Variants in SLC1A1 observed in about 807,000 individuals in gnomAD.
SLC1A1 encodes the protein solute carrier family 1 member 1, also known as excitatory amino acid transporter 3.
A neutral mutation model predicts 53.3 loss-of-function variants in SLC1A1; 43 were observed. That is an observed-to-expected ratio of 0.81 (90% CI 0.63 to 1.04). SLC1A1 has a LOEUF of 1.04. Among genes scored for constraint, SLC1A1 ranks in the 50% least tolerant of loss-of-function variants. The pLI, the probability that SLC1A1 is intolerant of heterozygous loss-of-function variation, is 0.00. For missense variants in SLC1A1, 748 were observed against 664.9 expected, an observed-to-expected ratio of 1.12 and a Z score of -1.37; for synonymous variants, 307 against 243.2, an observed-to-expected ratio of 1.26 and a Z score of -2.44.
At chr9:4,522,404 A>T (rs902253695) in intron 1 of SLC1A1, among the ~76,000 whole-genome samples, 4 of 152,150 alleles carry the variant, frequency 2.6e-5, no homozygotes, top group Non-Finnish European at 5.9e-5. Context: ...TCAAAGTTTA[A>T]GAAGCATAGA....
At chr9:4,518,408 C>G (rs1184589529) in intron 1 of SLC1A1, among the ~76,000 whole-genome samples, 1 of 151,522 alleles carries the variant, frequency 6.6e-6, no homozygotes, top group Non-Finnish European at 1.5e-5. Flanking sequence ...ACTCTGTCAC[C>G]CAGGCTGGAG....
intron 6 of SLC1A1, among the ~76,000 whole-genome samples, chr9:4,569,166 T>C (rs931608535): frequency 1.3e-5 from 2 of 152,296 alleles, no homozygotes; most frequent in African/African-American, 4.8e-5. Context: ...ATTTGTCAGG[T>C]ACATAAGCAT....
chr9:4,575,661 C>T (rs955614039), intron 8 of SLC1A1, among the ~76,000 whole-genome samples: 2 of 152,152 alleles, frequency 1.3e-5, no homozygotes, highest in African/African-American at 4.8e-5. Context: ...AGGAGAAGAA[C>T]TGAGCAGCAA....
chr9:4,499,282 T>A (rs1316634855), intron 1 of SLC1A1, among the ~76,000 whole-genome samples: 1 of 151,974 alleles, frequency 6.6e-6, no homozygotes, highest in East Asian at 1.9e-4. Context: ...TGACCTCAGG[T>A]GATCCACCCA....
intron 1 of SLC1A1, among the ~76,000 whole-genome samples, chr9:4,533,045 C>G (rs139579080): frequency 6.6e-6 from 1 of 152,142 alleles, no homozygotes; most frequent in Non-Finnish European, 1.5e-5. Context: ...GCCTGCCTTA[C>G]AAGAGCTCCT....
chr9:4,527,539 T>C (rs1410949365), intron 1 of SLC1A1, among the ~76,000 whole-genome samples: 1 of 152,180 alleles, frequency 6.6e-6, no homozygotes, highest in Non-Finnish European at 1.5e-5. Context: ...TAGACTGTTA[T>C]GGTATACTAC....
At position 4,549,127 on chromosome 9, in the gene SLC1A1, A is replaced by G. The variant is rs1055930294; in HGVS notation, c.232+4420A>G. ...GATTGGAGCCTCCTATGACCAACAC[A>G]GGGACAGAACAGCACCTCCAGTCCC... On this transcript the variant is annotated intron_variant, in intron 2 of 11. Transcript: ENST00000262352. This position sits in a 1 kb window ranked among gnomAD's most constrained non-coding sequence, Gnocchi z 4.1. Among the ~76,000 whole-genome samples, 1 of 152,208 alleles carries G rather than the reference A, an allele frequency of 6.6e-6. No individual in the cohort carries two copies. Among genetic ancestry groups the G allele is most frequent in the Non-Finnish European group, 1.5e-5 (1 of 68,044 alleles).
At chr9:4,564,227 G>T in intron 3 of SLC1A1, 117 bp from the exon 4 acceptor site, 3 of 750,048 alleles carry the variant, frequency 4.0e-6, no homozygotes, top group Non-Finnish European at 4.8e-6. Context: ...TGGACCTCAG[G>T]GTCCTCCCCA....
At chr9:4,560,188 T>C (rs1318261782) in intron 2 of SLC1A1, 1 of 152,206 alleles carries the variant, frequency 6.6e-6, no homozygotes, top group African/African-American at 2.4e-5. Context: ...CACAATAAGG[T>C]TGTTTACACA....
At chr9:4,575,935 T>G (rs1250320848) in intron 8 of SLC1A1, 66 bp from the exon 9 acceptor site, 5 of 1,571,728 alleles carry the variant, frequency 3.2e-6, no homozygotes, top group Non-Finnish European at 4.4e-6. Flanking sequence ...AGATGTTTGA[T>G]AAAAGGATTA....
chr9:4,541,142 T>G (rs1375556586), intron 1 of SLC1A1, among the ~76,000 whole-genome samples: 1 of 152,210 alleles, frequency 6.6e-6, no homozygotes, highest in Non-Finnish European at 1.5e-5. Context: ...TTGGCTCTGC[T>G]GAAGTCCTTC....
At position 4,523,694 on chromosome 9, in the gene SLC1A1, T is replaced by C. The variant is rs1467357422; in HGVS notation, c.92-20873T>C. Among the ~76,000 whole-genome samples the C allele has an allele frequency of 2.6e-5, 4 of 152,244 alleles. No individual in the cohort carries two copies. In the South Asian group the frequency reaches 6.2e-4, roughly 24 times the overall value. The stretch of plus-strand genomic sequence containing the variant: ...CATGAGAAAATCTATAAAGAGTATA[T>C]AGCCTACAATAATAGCTAACATGTA... On this transcript the variant is annotated intron_variant, in intron 1 of 11. Transcript: ENST00000262352.
chr9:4,536,669 T>A (rs1173789858), intron 1 of SLC1A1, among the ~76,000 whole-genome samples: 2 of 152,196 alleles, frequency 1.3e-5, no homozygotes, highest in African/African-American at 4.8e-5. Flanking sequence ...GAAATACCAT[T>A]TGACCTGGCA....
At position 4,573,604 on chromosome 9, in the gene SLC1A1, A is replaced by G. The variant is rs116813982; in HGVS notation, c.768-303A>G. ...GCAGATAGGACAATCAGCAGGATAT[A>G]TATGCACTAGGAACACGGCATGAGG... On this transcript the variant is annotated intron_variant, in intron 7 of 11. Transcript: ENST00000262352. Among the ~76,000 whole-genome samples the G allele has an allele frequency of 3.7e-3, 571 of 152,268 alleles. 8 individuals are homozygous for G. Among genetic ancestry groups the G allele is most frequent in the African/African-American group, 0.013 (549 of 41,540 alleles).
chr9:4,522,871 G>A (rs886716590), intron 1 of SLC1A1, among the ~76,000 whole-genome samples: 46 of 152,298 alleles, frequency 3.0e-4, no homozygotes, highest in African/African-American at 1.1e-3. Flanking sequence ...TGGAGATTAT[G>A]GGGATTACAA....
At position 4,574,657 on chromosome 9, in the gene SLC1A1, G is replaced by A. The variant is rs536226138; in HGVS notation, c.875+643G>A. Among the ~76,000 whole-genome samples the A allele has an allele frequency of 7.9e-5, 12 of 152,192 alleles. No homozygotes were observed. In the South Asian group the frequency reaches 2.5e-3, roughly 32 times the overall value. On this transcript the variant is annotated intron_variant, in intron 8 of 11. Coordinates refer to ENST00000262352, the MANE Select transcript of SLC1A1 (RefSeq NM_004170.6). Reference sequence around the variant, plus strand: ...CTACTGTTTCCTTGAGAAAAGATGAGGTGGGATAAGTTATGAATGGTGCCC... The same window carrying A: ...CTACTGTTTCCTTGAGAAAAGATGAAGTGGGATAAGTTATGAATGGTGCCC...
At chr9:4,567,168 C>G (rs1329917955) in intron 5 of SLC1A1, among the ~76,000 whole-genome samples, 1 of 152,232 alleles carries the variant, frequency 6.6e-6, no homozygotes, top group Non-Finnish European at 1.5e-5. Flanking sequence ...CAGTCTCACT[C>G]ACTGAATAGC....
At chr9:4,499,290 C>A (rs1340534670) in intron 1 of SLC1A1, among the ~76,000 whole-genome samples, 2 of 151,972 alleles carry the variant, frequency 1.3e-5, no homozygotes, top group Middle Eastern at 3.2e-3. Flanking sequence ...GGTGATCCAC[C>A]CACGTTGGCC....
intron 8 of SLC1A1, 45 bp downstream of exon 8, chr9:4,574,059 A>C: frequency 1.6e-6 from 2 of 1,280,480 alleles, no homozygotes; most frequent in Non-Finnish European, 2.3e-6. Context: ...CTTTGATCTA[A>C]TAGGATGGCC....
Sources: gnomAD v4.1 joint callset for allele counts (sites outside exome capture counted in the v4.1 genomes callset) on GRCh38, gnomAD v4.1.1 for gene constraint, Gnocchi (gnomAD v3.1) non-coding constraint, MANE v1.5 for transcripts, NCBI Gene and HGNC (gene_info 2026-07-23, HGNC 2026-07-21) for gene names.